EEFSEC: variants seen among roughly 807,000 people sequenced by gnomAD.
EEFSEC encodes selenocysteine-specific elongation factor.
In EEFSEC, 43 loss-of-function variants were observed where a neutral mutation model predicts 42.1. The ratio of observed to expected loss-of-function variants is 1.02; its 90% CI spans 0.80 to 1.32. The LOEUF is 1.32. Among genes scored for constraint, EEFSEC ranks in the 40% most tolerant of loss-of-function variants. The pLI, the probability that EEFSEC is intolerant of heterozygous loss-of-function variation, is 0.00. For synonymous variants in EEFSEC, 354 were observed against 339.1 expected (o/e 1.04, Z -0.48); for missense variants, 745 against 803.6 (o/e 0.93, Z 0.88).
intron 6 of EEFSEC, among the ~76,000 whole-genome samples, chr3:128,368,996 G>A (rs999260647): frequency 2.0e-5 from 3 of 152,222 alleles, no homozygotes; most frequent in African/African-American, 7.2e-5. Flanking sequence ...CCCATTCTCA[G>A]TTGGGCCACA....
intron 6 of EEFSEC, among the ~76,000 whole-genome samples, chr3:128,407,284 CT>C (rs1559962970): frequency 6.6e-6 from 1 of 152,214 alleles, no homozygotes; most frequent in Non-Finnish European, 1.5e-5. Flanking sequence ...GCGGTGGGGG[CT>C]GCACCCACCC....
chr3:128,310,466 G>A (rs1051800474), intron 4 of EEFSEC, among the ~76,000 whole-genome samples: 3 of 152,186 alleles, frequency 2.0e-5, no homozygotes, highest in Non-Finnish European at 4.4e-5. Flanking sequence ...TTGCCTCTTA[G>A]CAACCTCGTG....
chr3:128,362,151 A>C, intron 6 of EEFSEC: 1 of 487,926 alleles, frequency 2.0e-6, no homozygotes, highest in Non-Finnish European at 4.3e-6. Context: ...CCCAAAGCTC[A>C]TCTTGGCAAG....
the EEFSEC span, among the ~76,000 whole-genome samples, chr3:128,418,100 C>T: frequency 1.3e-5 from 2 of 152,216 alleles, no homozygotes; most frequent in Admixed American, 1.3e-4. Flanking sequence ...CCCAAACCCA[C>T]CACGTGCCCA....
chr3:128,255,076 G>T (rs1453124826), intron 2 of EEFSEC, among the ~76,000 whole-genome samples: 1 of 152,214 alleles, frequency 6.6e-6, no homozygotes, highest in Non-Finnish European at 1.5e-5. Flanking sequence ...CCAGGAGGCA[G>T]CCTGATGGCA....
intron 4 of EEFSEC, among the ~76,000 whole-genome samples, chr3:128,331,770 T>C (rs1356014534): frequency 6.6e-6 from 1 of 152,194 alleles, no homozygotes; most frequent in Non-Finnish European, 1.5e-5. Context: ...CCTTATCTAT[T>C]AGACTGCAAA....
chr3:128,404,854 G>A (rs923645026), intron 6 of EEFSEC, among the ~76,000 whole-genome samples: 10 of 152,122 alleles, frequency 6.6e-5, no homozygotes, highest in South Asian at 6.2e-4. Context: ...CTGGAGCCCC[G>A]TTCATATCAG....
intron 4 of EEFSEC, among the ~76,000 whole-genome samples, chr3:128,265,849 A>G (rs2066348442): frequency 6.6e-6 from 1 of 152,244 alleles, no homozygotes; most frequent in East Asian, 1.9e-4. Context: ...GTAAAGATAC[A>G]TAGATGTAAA....
intron 5 of EEFSEC, among the ~76,000 whole-genome samples, chr3:128,348,258 G>A (rs907912987): frequency 1.2e-4 from 16 of 133,342 alleles, no homozygotes; most frequent in African/African-American, 4.0e-4. Context: ...GCATGCGTGT[G>A]TGTGTGTGTG....
At chr3:128,421,236 G>T in the EEFSEC span, among the ~76,000 whole-genome samples, 2 of 152,246 alleles carry the variant, frequency 1.3e-5, no homozygotes, top group Admixed American at 1.3e-4. Context: ...GAGGCCTGGA[G>T]CCTGCACAAC....
chr3:128,232,413 C>T (rs754472480), intron 1 of EEFSEC, among the ~76,000 whole-genome samples: 6 of 152,068 alleles, frequency 3.9e-5, no homozygotes, highest in Admixed American at 3.3e-4. Context: ...TCCGCACACC[C>T]GGTTTATTAA....
rs554532338 is a variant in EEFSEC, at chr3:128,228,545, T to C, written c.317-18291T>C. Among the ~76,000 whole-genome samples the C allele has an allele frequency of 2.6e-5, 4 of 152,044 alleles. No individual in the cohort carries two copies. In the East Asian group the frequency reaches 5.8e-4, roughly 22 times the overall value. ...GGTAGGGGCCCAACCACACTGGCCT[T>C]CTTGTTCCTTGCCCAGGGAGGAGGG... On this transcript the variant is annotated intron_variant, in intron 1 of 6. Coordinates refer to ENST00000254730, the MANE Select transcript of EEFSEC (RefSeq NM_021937.5).
chr3:128,218,568 T>C (rs1191277910), intron 1 of EEFSEC, among the ~76,000 whole-genome samples: 1 of 152,242 alleles, frequency 6.6e-6, no homozygotes, highest in Non-Finnish European at 1.5e-5. Flanking sequence ...CAGACATTCC[T>C]TTGGTATGTT....
At chr3:128,382,165 C>T (rs2067784063) in intron 6 of EEFSEC, among the ~76,000 whole-genome samples, 1 of 152,220 alleles carries the variant, frequency 6.6e-6, no homozygotes, top group South Asian at 2.1e-4. Flanking sequence ...CATGACCTCT[C>T]TGTAAGCCCC....
chr3:128,327,801 T>C (rs2067081785), intron 4 of EEFSEC, among the ~76,000 whole-genome samples: 1 of 152,120 alleles, frequency 6.6e-6, no homozygotes, highest in Non-Finnish European at 1.5e-5. Flanking sequence ...CCAGGCTCTG[T>C]ACTAGGGAAG....
intron 1 of EEFSEC, among the ~76,000 whole-genome samples, chr3:128,193,035 A>T (rs2065543480): frequency 6.6e-6 from 1 of 152,158 alleles, no homozygotes; most frequent in Non-Finnish European, 1.5e-5. Flanking sequence ...ACAACATGGG[A>T]ATTCCATCAT....
At chr3:128,187,455 GT>G (rs1284690289) in intron 1 of EEFSEC, among the ~76,000 whole-genome samples, 2 of 151,986 alleles carry the variant, frequency 1.3e-5, no homozygotes, top group Admixed American at 1.3e-4. Flanking sequence ...CCTCCTTTTT[GT>G]TTACAATTCT....
At chr3:128,275,745 C>T (rs923157613) in intron 4 of EEFSEC, among the ~76,000 whole-genome samples, 6 of 152,202 alleles carry the variant, frequency 3.9e-5, no homozygotes, top group Non-Finnish European at 7.3e-5. Context: ...AGCCCAGAGG[C>T]GAGAGAGTGT....
intron 1 of EEFSEC, among the ~76,000 whole-genome samples, chr3:128,220,230 A>G (rs957233609): frequency 2.0e-5 from 3 of 152,184 alleles, no homozygotes; most frequent in Non-Finnish European, 4.4e-5. Context: ...CTCCCAAGCA[A>G]AGGTGCCTGA....
Sources: gnomAD v4.1 joint callset for allele counts (sites outside exome capture counted in the v4.1 genomes callset) on GRCh38, gnomAD v4.1.1 for gene constraint, MANE v1.5 for transcripts, NCBI Gene and HGNC (gene_info 2026-07-23, HGNC 2026-07-21) for gene names.